Variants in HDAC9 observed in about 807,000 individuals in gnomAD.
HDAC9 encodes histone deacetylase 9, also known as MEF-2 interacting transcription repressor (MITR) protein.
HDAC9 carries 41 observed loss-of-function variants against 139.4 expected under a neutral mutation model. That is an observed-to-expected ratio of 0.29 (90% CI 0.23 to 0.38). The LOEUF is 0.38. Ranked by LOEUF, HDAC9 falls within the 10% of genes least tolerant of loss-of-function variation. The pLI, the probability that HDAC9 is intolerant of heterozygous loss-of-function variation, is 1.00. For missense variants in HDAC9, 1,147 were observed against 1,297.0 expected (o/e 0.88, Z 1.78); for synonymous variants, 517 against 476.2 (o/e 1.09, Z -1.12).
At chr7:18,089,243 T>G (rs946167242) in intron 1 of HDAC9, among the ~76,000 whole-genome samples, 7 of 152,186 alleles carry the variant, frequency 4.6e-5, no homozygotes, top group African/African-American at 1.7e-4. Flanking sequence ...CCTGTTTCTT[T>G]CTTTCTGCAG....
At chr7:18,733,132 T>C (rs1786502707) in intron 13 of HDAC9, among the ~76,000 whole-genome samples, 1 of 146,694 alleles carries the variant, frequency 6.8e-6, no homozygotes, top group South Asian at 2.1e-4. Flanking sequence ...CATGTATATA[T>C]ATACACATGT....
intron 1 of HDAC9, among the ~76,000 whole-genome samples, chr7:18,360,737 T>G (rs1783711419): frequency 6.6e-6 from 1 of 152,158 alleles, no homozygotes; most frequent in African/African-American, 2.4e-5. Context: ...TGCTGACAAT[T>G]TTTTTTATTT....
chr7:18,697,795 G>A (rs1783161341), intron 12 of HDAC9, among the ~76,000 whole-genome samples: 2 of 144,622 alleles, frequency 1.4e-5, no homozygotes, highest in Non-Finnish European at 3.0e-5. Context: ...GAAGTAAACA[G>A]TAGATTTTTT....
At chr7:18,835,806 T>C (rs971509407) in intron 20 of HDAC9, 94 bp from the exon 21 acceptor site, 46 of 998,654 alleles carry the variant, frequency 4.6e-5, no homozygotes, top group Non-Finnish European at 6.3e-5. Context: ...TTGATGTTTA[T>C]TTCAAGAGCT....
At chr7:18,671,611 A>G (rs1352237979) in intron 12 of HDAC9, among the ~76,000 whole-genome samples, 1 of 152,144 alleles carries the variant, frequency 6.6e-6, no homozygotes, top group East Asian at 1.9e-4. Flanking sequence ...AATTACTCCA[A>G]TACGTTTTAG....
intron 22 of HDAC9, among the ~76,000 whole-genome samples, chr7:18,906,756 T>C (rs1386896746): frequency 6.6e-6 from 1 of 152,186 alleles, no homozygotes; most frequent in African/African-American, 2.4e-5. Context: ...AAAATGCAGA[T>C]TCCTTGTCTT....
At chr7:18,480,947 G>C (rs1377514799) in intron 1 of HDAC9, among the ~76,000 whole-genome samples, 1 of 152,138 alleles carries the variant, frequency 6.6e-6, no homozygotes, top group African/African-American at 2.4e-5. Context: ...GCCCAAACTT[G>C]TTATGCTGTA....
At chr7:18,224,861 G>C (rs373087423) in intron 2 of HDAC9, among the ~76,000 whole-genome samples, 1 of 152,120 alleles carries the variant, frequency 6.6e-6, no homozygotes, top group African/African-American at 2.4e-5. Flanking sequence ...ATAAGAACAT[G>C]AAGAACATTG....
intron 12 of HDAC9, among the ~76,000 whole-genome samples, chr7:18,670,732 G>A (rs1266361290): frequency 6.6e-6 from 1 of 151,896 alleles, no homozygotes; most frequent in African/African-American, 2.4e-5. Flanking sequence ...CTTTATATCT[G>A]CCCGATATGC....
chr7:18,609,463 G>A (rs1333074935), intron 6 of HDAC9, among the ~76,000 whole-genome samples: 1 of 152,110 alleles, frequency 6.6e-6, no homozygotes, highest in East Asian at 1.9e-4. Flanking sequence ...AAGCATCATG[G>A]TGAAACCGTT....
chr7:18,643,033 T>G lies in HDAC9; in HGVS notation c.913-1638T>G, dbSNP rs560221697. Among the ~76,000 whole-genome samples, 10 of 152,262 alleles carry G rather than the reference T, an allele frequency of 6.6e-5. No homozygotes were observed. In the South Asian group the frequency reaches 1.9e-3, roughly 28 times the overall value. ...TCTTCAATGAATACAGATAAGTGAA[T>G]AACATATCCTTTTATTTTAAATTAC... On this transcript the variant is annotated intron_variant, in intron 8 of 25. Coordinates refer to ENST00000686413, the MANE Select transcript of HDAC9 (RefSeq NM_178425.4).
intron 24 of HDAC9, among the ~76,000 whole-genome samples, chr7:18,974,483 CAT>C (rs1211126126): frequency 1.3e-5 from 2 of 152,186 alleles, no homozygotes; most frequent in Non-Finnish European, 2.9e-5. Flanking sequence ...GTGTCCTCGA[CAT>C]GTGGAAAAGC....
intron 1 of HDAC9, among the ~76,000 whole-genome samples, chr7:18,450,080 C>T (rs1392927147): frequency 1.3e-5 from 2 of 152,136 alleles, no homozygotes; most frequent in Non-Finnish European, 2.9e-5. Context: ...GCTGCATGGC[C>T]ACTTATGGGA....
intron 1 of HDAC9, chr7:18,162,117 A>C (rs1466122820): frequency 3.6e-6 from 2 of 556,832 alleles, no homozygotes; most frequent in Non-Finnish European, 6.4e-6. Flanking sequence ...CCTCAAAGAC[A>C]CATGGTCGCG....
chr7:18,407,606 G>C (rs1451897025), intron 1 of HDAC9, among the ~76,000 whole-genome samples: 7 of 152,050 alleles, frequency 4.6e-5, no homozygotes, highest in Non-Finnish European at 7.4e-5. Flanking sequence ...GCAGAATGTG[G>C]GTAGGCACTT....
intron 1 of HDAC9, among the ~76,000 whole-genome samples, chr7:18,490,178 A>G (rs535227220): frequency 6.6e-6 from 1 of 152,064 alleles, no homozygotes; most frequent in Non-Finnish European, 1.5e-5. Flanking sequence ...GGATGATCTC[A>G]TCTTATGGTT....
intron 22 of HDAC9, among the ~76,000 whole-genome samples, chr7:18,920,564 C>T (rs1340096036): frequency 3.9e-5 from 6 of 152,122 alleles, no homozygotes; most frequent in Non-Finnish European, 7.3e-5. Flanking sequence ...GCATCCCTGT[C>T]TTGTGCCAGT....
chr7:18,743,938 C>T (rs1170700600), intron 13 of HDAC9, among the ~76,000 whole-genome samples: 2 of 148,896 alleles, frequency 1.3e-5, no homozygotes, highest in African/African-American at 2.5e-5. Context: ...ATCTTTGATT[C>T]TCTAGCCTCA....
At position 18,462,010 on chromosome 7, in the gene HDAC9, A is replaced by T. The variant is rs116224991; in HGVS notation, c.-41-34252A>T. ...GTGTGGTCGTGATCACTAAATTAGT[A>T]AATGGTTATGTTTTGACTAAGTATT... On this transcript the variant is annotated intron_variant, in intron 1 of 3. Transcript: ENST00000413509. Among the ~76,000 whole-genome samples, 381 of 152,192 alleles carry T rather than the reference A, an allele frequency of 2.5e-3. 6 individuals are homozygous for T. The highest frequency in any genetic ancestry group is 8.5e-3 in the African/African-American group (355 of 41,542).
Sources: allele counts gnomAD v4.1 joint callset (sites outside exome capture counted in the v4.1 genomes callset), GRCh38; gene constraint gnomAD v4.1.1; transcripts MANE v1.5; gene names NCBI Gene and HGNC (gene_info 2026-07-23, HGNC 2026-07-21).